Variants in CNGB3 observed in about 807,000 individuals in gnomAD.
CNGB3 encodes cyclic nucleotide gated channel subunit beta 3, also known as cyclic nucleotide-gated channel beta-3.
In CNGB3, 86 loss-of-function variants were observed where a neutral mutation model predicts 92.8. That is an observed-to-expected ratio of 0.93 (90% CI 0.78 to 1.11). The LOEUF is 1.11. Among genes scored for constraint, CNGB3 ranks in the 50% least tolerant of loss-of-function variants. The pLI, the probability that CNGB3 is intolerant of heterozygous loss-of-function variation, is 0.00. For missense variants in CNGB3, 1,026 were observed against 956.8 expected, an observed-to-expected ratio of 1.07 and a Z score of -0.95; for synonymous variants, 333 against 332.7, an observed-to-expected ratio of 1.00 and a Z score of -0.01.
In CNGB3 at chr8:86,616,460, T is replaced by A. The variant is rs1321973198; in HGVS notation, c.1579-4789A>T. On this transcript the variant is annotated intron_variant, in intron 13 of 17. Coordinates refer to ENST00000320005, the MANE Select transcript of CNGB3 (RefSeq NM_019098.5). ...TTTGAGAACTATTATTATTCTTTTTTTTCCTCCAGAAAATGATTATTTTCT... is the reference window on the plus strand; with the variant it reads ...TTTGAGAACTATTATTATTCTTTTTATTCCTCCAGAAAATGATTATTTTCT... 2.6e-5 allele frequency among the ~76,000 whole-genome samples: 4 copies of A among 152,124 alleles called. No individual in the cohort carries two copies. In the East Asian group the frequency reaches 7.7e-4, roughly 29 times the overall value.
intron 3 of CNGB3, among the ~76,000 whole-genome samples, chr8:86,675,626 C>T (rs919930606): frequency 6.6e-6 from 1 of 151,718 alleles, no homozygotes; most frequent in Non-Finnish European, 1.5e-5. Flanking sequence ...GTTGCCCAGG[C>T]TGGTCTTTAA....
Position 86,578,689 on chromosome 8 carries a change from C to G in CNGB3, c.2103G>C (p.Gln701His), listed in dbSNP as rs770214046. Residue 701 changes from glutamine (Q) to histidine (H), a missense_variant and splice_region_variant, in exon 17 of 18, where the codon CAG (glutamine) becomes CAC (histidine). Coordinates refer to ENST00000320005, the MANE Select transcript of CNGB3 (RefSeq NM_019098.5). Reference sequence around the variant, plus strand: ...CCGTCCATTCACTCCACCTTATTACCTGAGCTGCTTGCTCTCGCTTCAATT... The same window carrying G: ...CCGTCCATTCACTCCACCTTATTACGTGAGCTGCTTGCTCTCGCTTCAATT... ...LLKLKREQAAQKKENSEGGEE... is the reference protein window; with the variant it reads ...LLKLKREQAAHKKENSEGGEE... 22 of 1,613,748 alleles carry G rather than the reference C, an allele frequency of 1.4e-5. No homozygotes were observed. The highest frequency in any genetic ancestry group is 6.7e-5 in the Admixed American group (4 of 60,000).
At chr8:86,604,315 G>A in intron 14 of CNGB3, 104 bp from the exon 15 acceptor site, 3 of 744,200 alleles carry the variant, frequency 4.0e-6, no homozygotes, top group Non-Finnish European at 6.8e-6. Flanking sequence ...TATAAATGAA[G>A]GAAGCAAAGA....
chr8:86,659,376 G>A, intron 6 of CNGB3: 1 of 830,750 alleles, frequency 1.2e-6, no homozygotes, highest in South Asian at 1.4e-5. Flanking sequence ...CTGGCTTGAG[G>A]ACTATTGAAG....
At chr8:86,642,738 A>G (rs931588178) in intron 10 of CNGB3, among the ~76,000 whole-genome samples, 3 of 151,712 alleles carry the variant, frequency 2.0e-5, no homozygotes, top group East Asian at 1.9e-4. Flanking sequence ...AAATTTCACT[A>G]TTAAATAACC....
chr8:86,723,578 C>A (rs1167265771), intron 3 of CNGB3, among the ~76,000 whole-genome samples: 4 of 152,064 alleles, frequency 2.6e-5, no homozygotes, highest in African/African-American at 9.7e-5. Context: ...ACTGTTGTCA[C>A]CCATGAGATT....
At chr8:86,633,255 T>G (rs1822997612) in intron 10 of CNGB3, among the ~76,000 whole-genome samples, 1 of 152,196 alleles carries the variant, frequency 6.6e-6, no homozygotes, top group Admixed American at 6.5e-5. Flanking sequence ...GTTGAATGGC[T>G]GGAGATATCT....
chr8:86,592,969 A>G (rs1822079577), intron 15 of CNGB3, among the ~76,000 whole-genome samples: 1 of 152,232 alleles, frequency 6.6e-6, no homozygotes, highest in African/African-American at 2.4e-5. Context: ...CTAGGCAAAT[A>G]TCAGAGGATG....
chr8:86,653,313 G>A (rs1823441028), intron 7 of CNGB3, among the ~76,000 whole-genome samples: 1 of 151,758 alleles, frequency 6.6e-6, no homozygotes, highest in Admixed American at 6.6e-5. Context: ...ATTTAATAAA[G>A]AAAATTAGTC....
At chr8:86,613,603 T>C (rs1485698514) in intron 13 of CNGB3, among the ~76,000 whole-genome samples, 1 of 152,138 alleles carries the variant, frequency 6.6e-6, no homozygotes, top group East Asian at 1.9e-4. Flanking sequence ...CTCATGTCCA[T>C]GGAGAAGATT....
intron 7 of CNGB3, among the ~76,000 whole-genome samples, chr8:86,650,327 A>G (rs984155965): frequency 2.0e-5 from 3 of 151,496 alleles, no homozygotes; most frequent in African/African-American, 7.3e-5. Context: ...TTTTAATATT[A>G]ACACATTGGC....
chr8:86,578,937 A>T (rs1426010974), intron 16 of CNGB3, 74 bp from the exon 17 acceptor site: 3 of 1,589,446 alleles, frequency 1.9e-6, no homozygotes, highest in Non-Finnish European at 2.6e-6. Context: ...AAAAACTGCA[A>T]TTTATCCTAA....
chr8:86,614,029 T>TAC (rs200115920), intron 13 of CNGB3, among the ~76,000 whole-genome samples: 1 of 150,722 alleles, frequency 6.6e-6, no homozygotes, highest in Admixed American at 6.6e-5. Flanking sequence ...TATGTATATA[T>TAC]ACACACACAC....
chr8:86,741,645 G>A (rs1233999259), intron 1 of CNGB3, among the ~76,000 whole-genome samples: 7 of 151,270 alleles, frequency 4.6e-5, no homozygotes, highest in East Asian at 3.9e-4. Flanking sequence ...CAGCCTGGGC[G>A]ACAGAATGAG....
chr8:86,647,671 A>C, intron 8 of CNGB3, 130 bp downstream of exon 8: 1 of 632,210 alleles, frequency 1.6e-6, no homozygotes, highest in Non-Finnish European at 2.9e-6. Flanking sequence ...AGAAAGATGG[A>C]GAAGAGTTTG....
rs557370916 is a variant in CNGB3, at chr8:86,610,572, G to A, written c.1662+1016C>T. 2.6e-5 allele frequency among the ~76,000 whole-genome samples: 4 copies of A among 152,232 alleles called. No individual in the cohort carries two copies. In the East Asian group the frequency reaches 5.8e-4, roughly 22 times the overall value. ...CCCCTCCTTTGTGTCTTACAACAGC[G>A]TGTGCTTGCTTTGACCATAGCATTT... On this transcript the variant is annotated intron_variant, in intron 14 of 17. Coordinates refer to ENST00000320005, the MANE Select transcript of CNGB3 (RefSeq NM_019098.5).
intron 13 of CNGB3, 68 bp from the exon 14 acceptor site, chr8:86,611,739 T>C: frequency 9.1e-7 from 1 of 1,103,760 alleles, no homozygotes; most frequent in Non-Finnish European, 1.4e-6. Context: ...AATTCAAAAC[T>C]CAATGAAAAT....
At chr8:86,611,728 G>T in intron 13 of CNGB3, 57 bp from the exon 14 acceptor site, 1 of 1,211,784 alleles carries the variant, frequency 8.3e-7, no homozygotes, top group Non-Finnish European at 1.2e-6. Context: ...TATTCCAAAT[G>T]AATTCAAAAC....
chr8:86,617,686 A>G (rs1822645058), intron 13 of CNGB3, among the ~76,000 whole-genome samples: 1 of 152,158 alleles, frequency 6.6e-6, no homozygotes, highest in Non-Finnish European at 1.5e-5. Flanking sequence ...ATCTTCGTCA[A>G]ACTTTCTCTG....
Sources: allele counts gnomAD v4.1 joint callset (sites outside exome capture counted in the v4.1 genomes callset), GRCh38; gene constraint gnomAD v4.1.1; transcripts MANE v1.5; gene names NCBI Gene and HGNC (gene_info 2026-07-23, HGNC 2026-07-21).